RERE: variants seen among roughly 807,000 people sequenced by gnomAD.
RERE encodes arginine-glutamic acid dipeptide repeats, also known as arginine-glutamic acid dipeptide repeats protein.
In RERE, 40 loss-of-function variants were observed where a neutral mutation model predicts 146.1. The observed-to-expected ratio is 0.27, with a 90% CI of 0.21 to 0.36. The LOEUF is 0.36. Among genes scored for constraint, RERE ranks in the 10% least tolerant of loss-of-function variants. RERE has a pLI of 1.00. For missense variants in RERE, 1,933 were observed against 2,138.7 expected, an observed-to-expected ratio of 0.90 and a Z score of 1.90; for synonymous variants, 1,003 against 866.0, an observed-to-expected ratio of 1.16 and a Z score of -2.78.
chr1:8,359,204 T>C (rs1288736951), intron 19 of RERE, among the ~76,000 whole-genome samples: 1 of 151,964 alleles, frequency 6.6e-6, no homozygotes, highest in Non-Finnish European at 1.5e-5. Flanking sequence ...TGTCTGGGAG[T>C]GACAGCTGGG....
At chr1:8,559,296 A>AAAAAAAAAC (rs1557686463) in intron 4 of RERE, among the ~76,000 whole-genome samples, 3 of 144,824 alleles carry the variant, frequency 2.1e-5, no homozygotes, top group Non-Finnish European at 3.0e-5. Flanking sequence ...AAAAAAAAAA[A>AAAAAAAAAC]AAAAAAAACA....
intron 10 of RERE, among the ~76,000 whole-genome samples, chr1:8,485,657 T>G (rs1644889157): frequency 6.6e-6 from 1 of 151,968 alleles, no homozygotes; most frequent in Non-Finnish European, 1.5e-5. Flanking sequence ...ACAAAAAAGG[T>G]TACAGCAGAA....
intron 7 of RERE, among the ~76,000 whole-genome samples, chr1:8,511,300 T>G (rs1308279495): frequency 6.6e-6 from 1 of 152,062 alleles, no homozygotes; most frequent in Non-Finnish European, 1.5e-5. Flanking sequence ...CAGGGAAGAG[T>G]ACTAATAAGT....
At chr1:8,595,115 C>T (rs1646539667) in intron 4 of RERE, among the ~76,000 whole-genome samples, 1 of 148,902 alleles carries the variant, frequency 6.7e-6, no homozygotes, top group South Asian at 2.1e-4. Flanking sequence ...GCTCTATGAT[C>T]ACACCACTCA....
chr1:8,632,756 T>TAC (rs1647049613), intron 2 of RERE, among the ~76,000 whole-genome samples: 1 of 152,244 alleles, frequency 6.6e-6, no homozygotes, highest in South Asian at 2.1e-4. Flanking sequence ...GAAGCCTTCC[T>TAC]TGTTAAGACT....
At chr1:8,774,965 T>G (rs540459125) in intron 1 of RERE, among the ~76,000 whole-genome samples, 1 of 122,570 alleles carries the variant, frequency 8.2e-6, no homozygotes, top group Non-Finnish European at 1.6e-5. Flanking sequence ...TTTTTTTTTT[T>G]TTTTTTTTTT....
At chr1:8,642,938 G>T (rs1483764485) in intron 2 of RERE, among the ~76,000 whole-genome samples, 2 of 152,176 alleles carry the variant, frequency 1.3e-5, no homozygotes, top group Non-Finnish European at 2.9e-5. Flanking sequence ...AGCTAACTCT[G>T]CCTGCGCTAA....
intron 4 of RERE, among the ~76,000 whole-genome samples, chr1:8,589,533 A>AT (rs1646467653): frequency 6.6e-6 from 1 of 152,222 alleles, no homozygotes. Flanking sequence ...ATTTTTATTT[A>AT]TTTTTTATGC....
In RERE at chr1:8,624,398, AT is replaced by A; in HGVS notation, c.326-19del. 1.3e-6 allele frequency: 2 copies of A among 1,567,284 alleles called. No individual in the cohort carries two copies. Among genetic ancestry groups the A allele is most frequent in the Non-Finnish European group, 1.8e-6 (2 of 1,139,974 alleles). ...CACACAGTCTTTAAAAGAAAAAGAA[AT>A]TTTAAAACAATGGCATTTACCTTTA... is the stretch of plus-strand genomic sequence containing the variant. On this transcript the variant is annotated intron_variant, in intron 2 of 22. Transcript: ENST00000400908.
Position 8,383,340 on chromosome 1 carries a change from T to G in RERE, c.1285-17366A>C, listed in dbSNP as rs116750619. Among the ~76,000 whole-genome samples, 1,248 of 151,354 alleles carry G rather than the reference T, an allele frequency of 8.2e-3. 14 individuals are homozygous for G. Among genetic ancestry groups the G allele is most frequent in the African/African-American group, 0.029 (1,194 of 41,148 alleles). On this transcript the variant is annotated intron_variant, in intron 12 of 22. Transcript: ENST00000400908. ...AACAGAATGACGCCACACAAGATCA[T>G]TAAACATTTCAGCAGGAATAAAAAC... is the stretch of plus-strand genomic sequence containing the variant.
Position 8,656,422 on chromosome 1 carries a change from A to C in RERE, c.-125T>G. The C allele has an allele frequency of 1.6e-6, 2 of 1,267,266 alleles. No individual in the cohort carries two copies. Among genetic ancestry groups the C allele is most frequent in the Non-Finnish European group, 2.2e-6 (2 of 924,228 alleles). The allele number at this position is 1,267,266 out of a possible 1,614,324, so 78.5% of individuals were successfully genotyped here. On this transcript the variant is annotated 5_prime_UTR_variant, in exon 2 of 23. Coordinates refer to ENST00000400908, the MANE Select transcript of RERE (RefSeq NM_001042681.2). ...CAGGGAAAATCCAACCACTCCAACA[A>C]CCCCAACGTTTCAAAAATGCTAGGA...
intron 1 of RERE, among the ~76,000 whole-genome samples, chr1:8,812,044 C>A (rs747075701): frequency 6.6e-6 from 1 of 152,136 alleles, no homozygotes; most frequent in Non-Finnish European, 1.5e-5. Flanking sequence ...AGGCCTGGCT[C>A]GTACGGCTTA....
intron 4 of RERE, among the ~76,000 whole-genome samples, chr1:8,596,090 C>T (rs538893628): frequency 2.0e-5 from 3 of 152,352 alleles, no homozygotes; most frequent in African/African-American, 7.2e-5. Context: ...GCTACACAGT[C>T]ATGCTCATTT....
intron 1 of RERE, among the ~76,000 whole-genome samples, chr1:8,772,014 T>C (rs939510025): frequency 6.6e-6 from 1 of 152,132 alleles, no homozygotes; most frequent in Admixed American, 6.6e-5. Context: ...ATATAAAATT[T>C]TGTATGTATG....
rs114620907 is a variant in RERE at position 8,768,589 on chromosome 1, T to C, written c.-145+48571A>G. ...TAACTTTAAATTTTATTTAAGTTAA[T>C]TTAAATAGTCATATGAGGGTAGTGC... On this transcript the variant is annotated intron_variant, in intron 1 of 22. Coordinates refer to ENST00000400908, the MANE Select transcript of RERE (RefSeq NM_001042681.2). Among the ~76,000 whole-genome samples, 1,522 of 152,254 alleles carry C rather than the reference T, an allele frequency of 1.0e-2. 23 individuals carry two copies. Among genetic ancestry groups the C allele is most frequent in the African/African-American group, 0.035 (1,442 of 41,538 alleles).
chr1:8,451,685 C>A (rs769695929), intron 11 of RERE, among the ~76,000 whole-genome samples: 21 of 152,154 alleles, frequency 1.4e-4, no homozygotes, highest in Non-Finnish European at 2.8e-4. Flanking sequence ...TCACTAGGGG[C>A]ATAGTCCTGA....
intron 6 of RERE, among the ~76,000 whole-genome samples, chr1:8,552,264 C>G (rs1395563144): frequency 6.6e-6 from 1 of 152,214 alleles, no homozygotes; most frequent in Non-Finnish European, 1.5e-5. Flanking sequence ...CTAGCACCAG[C>G]TTGAAAGCAA....
In RERE at chr1:8,353,852, GATCTCCCTTGCTCAAAAGTGGCCTCA is replaced by G. The variant is rs1475604740; in HGVS notation, c.*1209_*1234del. On this transcript the variant is annotated 3_prime_UTR_variant, in exon 23 of 23. Coordinates refer to ENST00000400908, the MANE Select transcript of RERE (RefSeq NM_001042681.2). ...CCCCCAACACCTGTCTTAACTCCAG[GATCTCCCTTGCTCAAAAGTGGCCTCA>G]ATCTGTGGCAAGAAAGATGGGGCCG... 1 of 152,442 alleles carries G rather than the reference GATCTCCCTTGCTCAAAAGTGGCCTCA, an allele frequency of 6.6e-6. No homozygotes were observed. Among genetic ancestry groups the G allele is most frequent in the Admixed American group, 6.5e-5 (1 of 15,278 alleles). The allele number at this position is 152,442 out of a possible 1,614,324, so 9.4% of individuals were successfully genotyped here. A position where few individuals can be genotyped will look rare whatever the true frequency, so the allele number is the denominator to read the frequency against.
chr1:8,599,445 CA>C (rs1646595400), intron 4 of RERE, among the ~76,000 whole-genome samples: 1 of 152,016 alleles, frequency 6.6e-6, no homozygotes. Flanking sequence ...CTGTTAAACA[CA>C]GAGAATATGA....
Sources: allele counts gnomAD v4.1 joint callset (sites outside exome capture counted in the v4.1 genomes callset), GRCh38; gene constraint gnomAD v4.1.1; transcripts MANE v1.5; gene names NCBI Gene and HGNC (gene_info 2026-07-23, HGNC 2026-07-21).